The following CTNNA2 variants were observed in gnomAD, a reference collection of about 807,000 sequenced individuals.
CTNNA2 encodes catenin alpha 2, also known as catenin alpha-2.
Under a neutral mutation model 101.0 loss-of-function variants are expected in CTNNA2, and 42 were observed. The observed-to-expected ratio is 0.42, with a 90% CI of 0.32 to 0.54. CTNNA2 has a LOEUF of 0.54. CTNNA2 is among the 20% of genes least tolerant of loss of function. The pLI is 0.14. For missense variants in CTNNA2, 871 were observed against 1,223.1 expected (o/e 0.71, Z 4.29); for synonymous variants, 450 against 456.4 (o/e 0.99, Z 0.18).
intron 2 of CTNNA2, among the ~76,000 whole-genome samples, chr2:79,685,720 C>G (rs957571719): frequency 1.3e-5 from 2 of 152,038 alleles, no homozygotes; most frequent in African/African-American, 4.8e-5. Context: ...ACTGAGGGTA[C>G]CACAAAGAAG....
chr2:79,221,255 G>A (rs189744823), intron 2 of CTNNA2, among the ~76,000 whole-genome samples: 1 of 152,096 alleles, frequency 6.6e-6, no homozygotes, highest in Non-Finnish European at 1.5e-5. Flanking sequence ...GGGCTCTGGC[G>A]ATCTTCCTGC....
At chr2:80,366,509 T>C (rs1674948212) in intron 7 of CTNNA2, among the ~76,000 whole-genome samples, 1 of 152,156 alleles carries the variant, frequency 6.6e-6, no homozygotes, top group Admixed American at 6.6e-5. Flanking sequence ...CAAGGCCTGG[T>C]GTCCTACAGA....
intron 8 of CTNNA2, among the ~76,000 whole-genome samples, chr2:80,401,458 T>C (rs1405357545): frequency 6.6e-6 from 1 of 152,200 alleles, no homozygotes; most frequent in Non-Finnish European, 1.5e-5. Flanking sequence ...CTCAGTTGGC[T>C]TGAGAAGACT....
chr2:80,176,185 A>G (rs955604543), intron 7 of CTNNA2, among the ~76,000 whole-genome samples: 3 of 152,228 alleles, frequency 2.0e-5, no homozygotes, highest in Non-Finnish European at 4.4e-5. Context: ...AATCATACAT[A>G]ATCTTCAAAT....
At chr2:80,187,317 A>G (rs910965747) in intron 7 of CTNNA2, among the ~76,000 whole-genome samples, 2 of 152,214 alleles carry the variant, frequency 1.3e-5, no homozygotes, top group Non-Finnish European at 2.9e-5. Context: ...GCTAATTTAT[A>G]ACGTAGGAGG....
chr2:79,736,742 T>A (rs1025716474), intron 2 of CTNNA2, among the ~76,000 whole-genome samples: 3 of 152,174 alleles, frequency 2.0e-5, no homozygotes, highest in African/African-American at 7.2e-5. Flanking sequence ...ATCGTGAAGA[T>A]TGAACTACCT....
chr2:80,622,056 C>T (rs1347558599), intron 18 of CTNNA2, among the ~76,000 whole-genome samples: 6 of 151,914 alleles, frequency 3.9e-5, no homozygotes, highest in Non-Finnish European at 5.9e-5. Context: ...ATCTTGTGTT[C>T]AGACATGACA....
chr2:80,064,902 A>G (rs977050239), intron 7 of CTNNA2, among the ~76,000 whole-genome samples: 1 of 152,248 alleles, frequency 6.6e-6, no homozygotes, highest in African/African-American at 2.4e-5. Context: ...TTACAGGGCC[A>G]TCTTTGCCAA....
At chr2:79,900,586 A>G (rs1413961520) in intron 6 of CTNNA2, among the ~76,000 whole-genome samples, 2 of 152,116 alleles carry the variant, frequency 1.3e-5, no homozygotes, top group East Asian at 3.9e-4. Flanking sequence ...CTGCGACTAC[A>G]TGGCTTTGCC....
chr2:79,207,759 G>A lies in CTNNA2; in HGVS notation c.-406+9683G>A, dbSNP rs114458651. Reference sequence around the variant, plus strand: ...TCTCTCTTAGTTTGTAAAACTTGCTGGCTTTTTCCCACTCTGATGGCTCCC... The same window carrying A: ...TCTCTCTTAGTTTGTAAAACTTGCTAGCTTTTTCCCACTCTGATGGCTCCC... On this transcript the variant is annotated intron_variant, in intron 2 of 21. Transcript: ENST00000466387. Among the ~76,000 whole-genome samples the A allele has an allele frequency of 2.9e-3, 434 of 152,266 alleles. 1 individual carries two copies. The highest frequency in any genetic ancestry group is 0.01 in the African/African-American group (419 of 41,562).
chr2:79,651,762 C>G, intron 2 of CTNNA2, 104 bp downstream of exon 2: 6 of 929,090 alleles, frequency 6.5e-6, no homozygotes, highest in Non-Finnish European at 8.5e-6. Context: ...ATAAATCATG[C>G]CATGATTCCG....
chr2:79,219,562 C>T (rs1048821633), intron 2 of CTNNA2, among the ~76,000 whole-genome samples: 1 of 152,118 alleles, frequency 6.6e-6, no homozygotes, highest in Non-Finnish European at 1.5e-5. Flanking sequence ...TCTGCTTGTA[C>T]GCAGGAATAC....
At chr2:79,669,672 G>A (rs1173931450) in intron 2 of CTNNA2, among the ~76,000 whole-genome samples, 1 of 152,164 alleles carries the variant, frequency 6.6e-6, no homozygotes, top group East Asian at 1.9e-4. Context: ...TCTCAGCAGA[G>A]AAGGTAGCTC....
chr2:80,509,919 TC>T (rs553560868), intron 9 of CTNNA2, among the ~76,000 whole-genome samples: 69 of 152,202 alleles, frequency 4.5e-4, no homozygotes, highest in Middle Eastern at 3.4e-3. Flanking sequence ...GAAGCAGTAT[TC>T]CCCCTGGAGA....
intron 18 of CTNNA2, among the ~76,000 whole-genome samples, chr2:80,628,324 A>C (rs1377212428): frequency 6.6e-6 from 1 of 152,090 alleles, no homozygotes; most frequent in Non-Finnish European, 1.5e-5. Context: ...CCTAAGCAAA[A>C]AGAACAAAGC....
intron 6 of CTNNA2, among the ~76,000 whole-genome samples, chr2:79,903,448 A>G (rs1470765385): frequency 6.6e-6 from 1 of 152,126 alleles, no homozygotes; most frequent in Non-Finnish European, 1.5e-5. Context: ...ATGATTCATC[A>G]TTGCCTAAAG....
At chr2:79,553,622 A>G (rs150235310) in intron 1 of CTNNA2, among the ~76,000 whole-genome samples, 44 of 152,292 alleles carry the variant, frequency 2.9e-4, no homozygotes, top group African/African-American at 1.0e-3. Context: ...CACATCTTAT[A>G]TGGCTGGAGA....
At chr2:79,496,390 ATACTT>A (rs1671256089) in intron 4 of CTNNA2, among the ~76,000 whole-genome samples, 1 of 152,180 alleles carries the variant, frequency 6.6e-6, no homozygotes, top group South Asian at 2.1e-4. Context: ...CAGAGAATAG[ATACTT>A]TACAAGTGCA....
intron 3 of CTNNA2, among the ~76,000 whole-genome samples, chr2:79,778,655 A>G (rs1430347581): frequency 2.0e-5 from 3 of 152,174 alleles, no homozygotes; most frequent in Non-Finnish European, 4.4e-5. Context: ...ACTTTGATAT[A>G]TTTTACTTGT....
Sources: gnomAD v4.1 joint callset for allele counts (sites outside exome capture counted in the v4.1 genomes callset) on GRCh38, gnomAD v4.1.1 for gene constraint, MANE v1.5 for transcripts, NCBI Gene and HGNC (gene_info 2026-07-23, HGNC 2026-07-21) for gene names.